NAA25: variants seen among roughly 807,000 people sequenced by gnomAD.
NAA25 encodes the protein N-alpha-acetyltransferase 25, NatB auxiliary subunit.
In NAA25, 30 loss-of-function variants were observed where a neutral mutation model predicts 132.5. That is an observed-to-expected ratio of 0.23 (90% CI 0.17 to 0.31). The LOEUF (loss-of-function observed/expected upper bound fraction) is 0.31, where lower values mean the gene tolerates loss of function less well. Ranked by LOEUF, NAA25 falls within the 10% of genes least tolerant of loss-of-function variation. The pLI is 1.00. For missense variants in NAA25, 771 were observed against 1,150.4 expected (o/e 0.67, Z 4.77); for synonymous variants, 359 against 401.9 (o/e 0.89, Z 1.28).
At chr12:112,067,156 G>A (rs571459419) in intron 11 of NAA25, among the ~76,000 whole-genome samples, 2 of 152,046 alleles carry the variant, frequency 1.3e-5, no homozygotes, top group Non-Finnish European at 2.9e-5. Context: ...CAGAGATCGC[G>A]CCAACACACT....
intron 1 of NAA25, among the ~76,000 whole-genome samples, chr12:112,097,719 C>T (rs1014610316): frequency 6.6e-6 from 1 of 151,716 alleles, no homozygotes. Flanking sequence ...ATTAAGCTTA[C>T]GGGTGAGGCT....
intron 1 of NAA25, among the ~76,000 whole-genome samples, chr12:112,100,083 C>T (rs2079270789): frequency 6.6e-6 from 1 of 152,206 alleles, no homozygotes; most frequent in Admixed American, 6.5e-5. Context: ...TTGTTAAATA[C>T]CTACCATGTG....
At chr12:112,046,326 A>G (rs184534074) in intron 17 of NAA25, among the ~76,000 whole-genome samples, 16 of 152,308 alleles carry the variant, frequency 1.1e-4, no homozygotes, top group Admixed American at 5.2e-4. Flanking sequence ...CAGAGGAGGG[A>G]GAAAGCACTG....
intron 14 of NAA25, 28 bp downstream of exon 14, chr12:112,054,360 C>A: frequency 6.3e-7 from 1 of 1,599,104 alleles, no homozygotes. Context: ...TAGCTGGCTG[C>A]TCATTATTCA....
At chr12:112,042,575 C>T (rs544195930) in intron 19 of NAA25, among the ~76,000 whole-genome samples, 43 of 151,390 alleles carry the variant, frequency 2.8e-4, no homozygotes, top group Non-Finnish European at 5.3e-4. Context: ...GGTGCCATCT[C>T]GGCTCACTGC....
At chr12:112,093,207 G>T in intron 1 of NAA25, 71 bp from the exon 2 acceptor site, 3 of 932,480 alleles carry the variant, frequency 3.2e-6, no homozygotes, top group Admixed American at 2.0e-5. Context: ...GCACCAACTG[G>T]TATGAGATAT....
Position 112,043,754 on chromosome 12 carries a change from C to T in NAA25, c.2121G>A (p.Val707=), listed in dbSNP as rs781404025. The change falls in exon 18 of 24, where the codon GTG becomes GTA. Residue 707 remains valine (V), a synonymous_variant. Coordinates refer to ENST00000261745, the MANE Select transcript of NAA25 (RefSeq NM_024953.4). ...CAGTCTTCTCCGAGTTCTTTGGCTC[C>T]ACAGGGTGGTTGAGACTTGGAAGTC... The part of the protein sequence containing the change: ...ISGLPSLNHP[V]EPKNSEKTAE... 2 of 1,614,132 alleles carry T rather than the reference C, an allele frequency of 1.2e-6. No homozygotes were observed. The highest frequency in any genetic ancestry group is 1.1e-5 in the South Asian group (1 of 91,074).
intron 1 of NAA25, among the ~76,000 whole-genome samples, chr12:112,106,126 G>A (rs1018189131): frequency 2.0e-5 from 3 of 152,100 alleles, no homozygotes; most frequent in African/African-American, 4.8e-5. Flanking sequence ...TATACTAATC[G>A]CCTTAGAATT....
intron 22 of NAA25, among the ~76,000 whole-genome samples, chr12:112,037,275 CATATATATATATATATAT>C (rs57810657): frequency 0.046 from 2,979 of 65,210 alleles, 170 homozygotes; most frequent in African/African-American, 0.12. Context: ...TTAAAAAATA[CATATATATATATATATAT>C]ATATATATAT....
At chr12:112,068,001 G>A (rs977338920) in intron 11 of NAA25, among the ~76,000 whole-genome samples, 2 of 151,962 alleles carry the variant, frequency 1.3e-5, no homozygotes, top group Non-Finnish European at 2.9e-5. Context: ...GCCTCCCAAA[G>A]TGCTGGGATT....
At chr12:112,077,015 A>ACAAC (rs142208447) in intron 7 of NAA25, among the ~76,000 whole-genome samples, 1 of 151,848 alleles carries the variant, frequency 6.6e-6, no homozygotes, top group Non-Finnish European at 1.5e-5. Context: ...AACAACAACA[A>ACAAC]AAAAAAACAA....
At chr12:112,030,484 G>A (rs1342764281) in intron 23 of NAA25, among the ~76,000 whole-genome samples, 1 of 152,056 alleles carries the variant, frequency 6.6e-6, no homozygotes, top group Non-Finnish European at 1.5e-5. Context: ...ATATTAACAA[G>A]TCTCCTCCAT....
At chr12:112,078,438 C>T (rs1252914551) in intron 6 of NAA25, among the ~76,000 whole-genome samples, 172 bp from the exon 7 acceptor site, 1 of 152,226 alleles carries the variant, frequency 6.6e-6, no homozygotes, top group Non-Finnish European at 1.5e-5. Flanking sequence ...CCCGTCTATA[C>T]ACATCTCAGC....
intron 7 of NAA25, among the ~76,000 whole-genome samples, chr12:112,076,713 C>A (rs2078900106): frequency 6.6e-6 from 1 of 151,418 alleles, no homozygotes; most frequent in South Asian, 2.1e-4. Context: ...AAAAAAAGGG[C>A]CAGGCCTGAC....
chr12:112,103,127 C>CTG (rs1161482163), intron 1 of NAA25, among the ~76,000 whole-genome samples: 2 of 152,210 alleles, frequency 1.3e-5, no homozygotes, highest in Non-Finnish European at 2.9e-5. Flanking sequence ...GCTGGGGTTA[C>CTG]AGGCGCCTGC....
intron 2 of NAA25, among the ~76,000 whole-genome samples, chr12:112,092,167 G>A (rs2079141087): frequency 1.3e-5 from 2 of 152,084 alleles, no homozygotes. Context: ...CTTGAACCCA[G>A]GAGGCAGAGG....
intron 17 of NAA25, among the ~76,000 whole-genome samples, 180 bp downstream of exon 17, chr12:112,047,485 G>GCCT (rs1439843041): frequency 2.0e-5 from 3 of 152,052 alleles, no homozygotes; most frequent in African/African-American, 7.2e-5. Context: ...ACCGGCCTCG[G>GCCT]CCTCCCAAAG....
At chr12:112,106,054 A>C (rs1253777968) in intron 1 of NAA25, among the ~76,000 whole-genome samples, 1 of 152,182 alleles carries the variant, frequency 6.6e-6, no homozygotes, top group East Asian at 1.9e-4. Context: ...TCAAAAGTCA[A>C]ATGTGCTTAA....
intron 11 of NAA25, among the ~76,000 whole-genome samples, chr12:112,062,272 G>A (rs777574282): frequency 8.6e-5 from 13 of 151,962 alleles, no homozygotes; most frequent in Admixed American, 3.9e-4. Context: ...ATGGTGGCGC[G>A]CACCTGTAAT....
Sources: gnomAD v4.1 joint callset for allele counts (sites outside exome capture counted in the v4.1 genomes callset) on GRCh38, gnomAD v4.1.1 for gene constraint, MANE v1.5 for transcripts, NCBI Gene and HGNC (gene_info 2026-07-23, HGNC 2026-07-21) for gene names.